Variants in GPHN observed in about 807,000 individuals in gnomAD.
GPHN encodes gephyrin.
Under a neutral mutation model 95.5 loss-of-function variants are expected in GPHN, and 17 were observed. The ratio of observed to expected loss-of-function variants is 0.18; its 90% CI spans 0.12 to 0.27. GPHN has a LOEUF of 0.27. GPHN is among the 10% of genes least tolerant of loss of function. GPHN has a pLI of 1.00. For synonymous variants in GPHN, 320 were observed against 322.5 expected (o/e 0.99, Z 0.08); for missense variants, 660 against 978.1 (o/e 0.67, Z 4.34).
chr14:67,721,716 T>C, the GPHN span, among the ~76,000 whole-genome samples: 1 of 143,744 alleles, frequency 7.0e-6, no homozygotes, highest in Non-Finnish European at 1.5e-5. Context: ...AATGTAATAA[T>C]TGAACACTTA....
chr14:67,615,854 T>C, the GPHN span: 3 of 620,442 alleles, frequency 4.8e-6, no homozygotes, highest in Non-Finnish European at 9.0e-6. Flanking sequence ...CATTGGTGAT[T>C]CGGCGAAGAA....
intron 1 of GPHN, among the ~76,000 whole-genome samples, chr14:66,537,213 G>A (rs946896100): frequency 3.9e-5 from 6 of 151,912 alleles, no homozygotes; most frequent in African/African-American, 1.5e-4. Flanking sequence ...TGCTTTAGTT[G>A]TAATAGGTAT....
At chr14:67,300,755 G>A in the GPHN span, among the ~76,000 whole-genome samples, 1 of 152,080 alleles carries the variant, frequency 6.6e-6, no homozygotes, top group Admixed American at 6.6e-5. Flanking sequence ...AAGATTTCTC[G>A]ACTGTGGGAA....
chr14:67,096,927 A>G (rs908268894), intron 12 of GPHN, among the ~76,000 whole-genome samples: 1 of 152,082 alleles, frequency 6.6e-6, no homozygotes, highest in Non-Finnish European at 1.5e-5. Flanking sequence ...TTTTGAAGGA[A>G]ACAATATATA....
At chr14:67,317,558 A>G in the GPHN span, 4 of 898,498 alleles carry the variant, frequency 4.5e-6, no homozygotes, top group Admixed American at 1.0e-4. Flanking sequence ...CCTTAATGTT[A>G]AATATGTGCT....
chr14:67,702,607 T>TA, the GPHN span, among the ~76,000 whole-genome samples: 5 of 152,234 alleles, frequency 3.3e-5, no homozygotes, highest in African/African-American at 9.6e-5. Flanking sequence ...TTTATTTTAC[T>TA]AATAATTTTA....
At chr14:66,895,413 C>T (rs879376121) in intron 5 of GPHN, among the ~76,000 whole-genome samples, 8 of 151,970 alleles carry the variant, frequency 5.3e-5, no homozygotes, top group Admixed American at 2.6e-4. Context: ...ATGTAAATGA[C>T]GAGTTAATGG....
At chr14:66,625,333 A>G (rs1246819270) in intron 1 of GPHN, among the ~76,000 whole-genome samples, 1 of 152,160 alleles carries the variant, frequency 6.6e-6, no homozygotes, top group African/African-American at 2.4e-5. Flanking sequence ...TTGGTCTCCC[A>G]GAGTGCTAGG....
intron 17 of GPHN, among the ~76,000 whole-genome samples, chr14:67,134,018 T>C (rs930566611): frequency 2.0e-5 from 3 of 152,220 alleles, no homozygotes; most frequent in Admixed American, 6.5e-5. Flanking sequence ...CAGGTCAGAT[T>C]GGTGTTTCCC....
intron 4 of GPHN, among the ~76,000 whole-genome samples, chr14:66,868,869 T>C (rs2063329049): frequency 6.6e-6 from 1 of 152,154 alleles, no homozygotes; most frequent in African/African-American, 2.4e-5. Flanking sequence ...TTTCTGACTT[T>C]AATGTTGTCC....
chr14:67,159,847 A>AC (rs1175414628), intron 19 of GPHN, among the ~76,000 whole-genome samples: 4 of 152,142 alleles, frequency 2.6e-5, no homozygotes, highest in Non-Finnish European at 5.9e-5. Flanking sequence ...AAAGTAGGGA[A>AC]CGAACCCCCA....
the GPHN span, among the ~76,000 whole-genome samples, chr14:67,235,714 CAAA>C: frequency 7.1e-6 from 1 of 140,282 alleles, no homozygotes. Flanking sequence ...GACTCCATCT[CAAA>C]AAAAAAAAAA....
At chr14:66,575,206 T>G (rs2060856032) in intron 1 of GPHN, among the ~76,000 whole-genome samples, 1 of 151,712 alleles carries the variant, frequency 6.6e-6, no homozygotes. Flanking sequence ...TATAGTGTTC[T>G]TGGTTGACAG....
chr14:66,548,154 G>T (rs2059671573), intron 1 of GPHN, among the ~76,000 whole-genome samples: 1 of 149,518 alleles, frequency 6.7e-6, no homozygotes, highest in South Asian at 2.1e-4. Context: ...TCTGTGATCA[G>T]TGATTTTTGA....
the GPHN span, chr14:67,571,895 C>G: frequency 5.6e-6 from 9 of 1,609,040 alleles, no homozygotes; most frequent in Non-Finnish European, 6.8e-6. Flanking sequence ...CCCGGGCCAT[C>G]AAGAGAGGTA....
chr14:67,633,521 T>C, the GPHN span, among the ~76,000 whole-genome samples: 1 of 152,194 alleles, frequency 6.6e-6, no homozygotes, highest in Non-Finnish European at 1.5e-5. Context: ...GACCTTATCA[T>C]CTTCTCCCTC....
chr14:67,166,753 T>C (rs758061209), intron 20 of GPHN, among the ~76,000 whole-genome samples: 1 of 152,238 alleles, frequency 6.6e-6, no homozygotes, highest in Non-Finnish European at 1.5e-5. Context: ...CACTGCAACC[T>C]CTGCCTCCTA....
At chr14:66,827,457 T>C (rs1443718684) in intron 4 of GPHN, among the ~76,000 whole-genome samples, 2 of 152,182 alleles carry the variant, frequency 1.3e-5, no homozygotes, top group African/African-American at 2.4e-5. Context: ...AGACTAGTCA[T>C]TTAACCACTC....
chr14:67,251,650 T>C, the GPHN span, among the ~76,000 whole-genome samples: 1 of 152,234 alleles, frequency 6.6e-6, no homozygotes, highest in Admixed American at 6.5e-5. Flanking sequence ...TGTCAGCCCT[T>C]AATATGGCTG....
Sources: gnomAD v4.1 joint callset for allele counts (sites outside exome capture counted in the v4.1 genomes callset) on GRCh38, gnomAD v4.1.1 for gene constraint, MANE v1.5 for transcripts, NCBI Gene and HGNC (gene_info 2026-07-23, HGNC 2026-07-21) for gene names.